SLC4A10: variants seen among roughly 807,000 people sequenced by gnomAD.
The protein encoded by SLC4A10 is solute carrier family 4 member 10.
A neutral mutation model predicts 137.7 loss-of-function variants in SLC4A10; 42 were observed. The ratio of observed to expected loss-of-function variants is 0.30; its 90% CI spans 0.24 to 0.39. SLC4A10 has a LOEUF of 0.39. SLC4A10 is among the 10% of genes least tolerant of loss of function. SLC4A10 has a pLI of 1.00. For missense variants in SLC4A10, 925 were observed against 1,355.0 expected (o/e 0.68, Z 4.98); for synonymous variants, 474 against 464.1 (o/e 1.02, Z -0.27).
intron 1 of SLC4A10, among the ~76,000 whole-genome samples, chr2:161,683,256 C>A (rs994155094): frequency 3.9e-5 from 6 of 152,152 alleles, no homozygotes; most frequent in African/African-American, 1.4e-4. Context: ...CATTGAGGTA[C>A]AAGGACTGCG....
intron 2 of SLC4A10, among the ~76,000 whole-genome samples, chr2:161,771,759 T>C (rs2051641111): frequency 6.6e-6 from 1 of 151,896 alleles, no homozygotes; most frequent in South Asian, 2.1e-4. Context: ...TCAATTATTG[T>C]TATACCAACA....
At chr2:161,699,954 C>T (rs549299135) in intron 1 of SLC4A10, among the ~76,000 whole-genome samples, 10 of 152,090 alleles carry the variant, frequency 6.6e-5, no homozygotes, top group Non-Finnish European at 1.3e-4. Context: ...CTGTTATTAT[C>T]TACACTATAT....
chr2:161,699,017 T>TTTA (rs1406085410), intron 1 of SLC4A10, among the ~76,000 whole-genome samples: 2 of 152,024 alleles, frequency 1.3e-5, no homozygotes, highest in Non-Finnish European at 1.5e-5. Context: ...TGATTTTTAT[T>TTTA]TTATTATTAT....
chr2:161,821,927 A>G (rs1383753520), intron 3 of SLC4A10, among the ~76,000 whole-genome samples: 3 of 152,222 alleles, frequency 2.0e-5, no homozygotes, highest in African/African-American at 7.2e-5. Context: ...ATCTTGAATC[A>G]AAATAAAATA....
intron 25 of SLC4A10, chr2:161,977,274 A>G (rs1052104328): frequency 2.2e-5 from 8 of 359,042 alleles, no homozygotes; most frequent in African/African-American, 1.7e-4. Context: ...TTTTATAAAT[A>G]TGCATAAATA....
intron 1 of SLC4A10, among the ~76,000 whole-genome samples, chr2:161,691,136 C>T (rs1026121471): frequency 6.6e-6 from 1 of 151,930 alleles, no homozygotes; most frequent in Admixed American, 6.6e-5. Flanking sequence ...TAAGTATAAA[C>T]TTTCATTATA....
rs532132662 is a variant in SLC4A10, at chr2:161,806,591, G to A, written c.277+1996G>A. ...AAAGTTTCACAGATCTCTAGGGCAG[G>A]GGTAAAACACTGCCAGTCTCTTTGC... On this transcript the variant is annotated intron_variant, in intron 3 of 26. Coordinates refer to ENST00000446997, the MANE Select transcript of SLC4A10 (RefSeq NM_001178015.2). Among the ~76,000 whole-genome samples, 5 of 152,200 alleles carry A rather than the reference G, an allele frequency of 3.3e-5. No homozygotes were observed. The East Asian group carries it at 7.7e-4, about 24-fold the overall frequency.
At chr2:161,805,524 C>A (rs978170140) in intron 3 of SLC4A10, among the ~76,000 whole-genome samples, 28 of 152,166 alleles carry the variant, frequency 1.8e-4, no homozygotes, top group African/African-American at 6.5e-4. Context: ...TTCCTAGATA[C>A]AACTGGGGTA....
intron 2 of SLC4A10, among the ~76,000 whole-genome samples, chr2:161,787,608 T>A (rs2053769360): frequency 6.6e-6 from 1 of 152,170 alleles, no homozygotes; most frequent in African/African-American, 2.4e-5. Context: ...AATATTTTGT[T>A]TATTTTTAAA....
chr2:161,650,691 G>A (rs2036670646), intron 1 of SLC4A10, among the ~76,000 whole-genome samples: 1 of 152,176 alleles, frequency 6.6e-6, no homozygotes, highest in African/African-American at 2.4e-5. Context: ...GCCCAGGTGC[G>A]GTTGCAACCT....
At chr2:161,794,298 T>C (rs966186337) in intron 2 of SLC4A10, among the ~76,000 whole-genome samples, 4 of 152,160 alleles carry the variant, frequency 2.6e-5, no homozygotes, top group Non-Finnish European at 5.9e-5. Context: ...AGGTTCTAGA[T>C]ATCTACTATA....
chr2:161,822,850 C>T (rs1275249096), intron 3 of SLC4A10, among the ~76,000 whole-genome samples: 1 of 152,094 alleles, frequency 6.6e-6, no homozygotes, highest in Non-Finnish European at 1.5e-5. Flanking sequence ...TGATGCGCAC[C>T]TGTAGTCCCA....
At chr2:161,754,956 G>T (rs888710562) in intron 1 of SLC4A10, among the ~76,000 whole-genome samples, 30 of 152,062 alleles carry the variant, frequency 2.0e-4, no homozygotes, top group African/African-American at 7.0e-4. Context: ...AGGCAAGTTG[G>T]CACTTATCAG....
At chr2:161,927,965 G>C (rs1224489034) in intron 15 of SLC4A10, among the ~76,000 whole-genome samples, 2 of 150,438 alleles carry the variant, frequency 1.3e-5, no homozygotes, top group African/African-American at 2.4e-5. Flanking sequence ...TCAGTGTGGC[G>C]ATTCCTCAGG....
intron 20 of SLC4A10, 45 bp from the exon 21 acceptor site, chr2:161,958,442 T>C (rs772358280): frequency 7.2e-6 from 11 of 1,522,078 alleles, no homozygotes; most frequent in Non-Finnish European, 1.0e-5. Context: ...AACCACAATC[T>C]ATTTGAAAAT....
rs565524835 is a variant in SLC4A10 at position 161,690,476 on chromosome 2, A to T, written c.48+65910A>T. Among the ~76,000 whole-genome samples, 7 of 152,328 alleles carry T rather than the reference A, an allele frequency of 4.6e-5. No individual in the cohort carries two copies. The South Asian group carries it at 1.4e-3, about 32-fold the overall frequency. ...CCCAAAGGAATATAAATCATTCTTT[A>T]TAAAGATACATGAATGCATATGTTC... On this transcript the variant is annotated intron_variant, in intron 1 of 26. Coordinates refer to ENST00000446997, the MANE Select transcript of SLC4A10 (RefSeq NM_001178015.2).
rs932606188 is a variant in SLC4A10, at chr2:161,983,432, T to C, written c.*280T>C. 1 of 567,344 alleles carries C rather than the reference T, an allele frequency of 1.8e-6. No individual in the cohort carries two copies. The highest frequency in any genetic ancestry group is 3.3e-5 in the Admixed American group (1 of 30,088). The allele number at this position is 567,344 out of a possible 1,614,324, so 35.1% of individuals were successfully genotyped here. On this transcript the variant is annotated 3_prime_UTR_variant, in exon 27 of 27. Coordinates refer to ENST00000446997, the MANE Select transcript of SLC4A10 (RefSeq NM_001178015.2). ...GCAGTGAGACATCCCTGTGAGCAGA[T>C]ACAATAGCCAATGCAAGAATCTGTG... is the stretch of plus-strand genomic sequence containing the variant.
chr2:161,865,339 C>A (rs1477668049), intron 6 of SLC4A10, among the ~76,000 whole-genome samples: 2 of 151,896 alleles, frequency 1.3e-5, no homozygotes, highest in Admixed American at 1.3e-4. Context: ...TTTCTGAGAG[C>A]CTGCTTTTTG....
chr2:161,706,981 A>G (rs1453483295), intron 1 of SLC4A10, among the ~76,000 whole-genome samples: 2 of 151,576 alleles, frequency 1.3e-5, no homozygotes, highest in Admixed American at 6.6e-5. Flanking sequence ...GCACCTATAT[A>G]GTACCTGACA....
Sources: allele counts gnomAD v4.1 joint callset (sites outside exome capture counted in the v4.1 genomes callset), GRCh38; gene constraint gnomAD v4.1.1; transcripts MANE v1.5; gene names NCBI Gene and HGNC (gene_info 2026-07-23, HGNC 2026-07-21).